The following PPP2R5C variants were observed in gnomAD, a reference collection of about 807,000 sequenced individuals.
The protein encoded by PPP2R5C is serine/threonine-protein phosphatase 2A 56 kDa regulatory subunit gamma isoform.
In PPP2R5C, 7 loss-of-function variants were observed where a neutral mutation model predicts 68.9. That is an observed-to-expected ratio of 0.10 (90% CI 0.06 to 0.19). The LOEUF (loss-of-function observed/expected upper bound fraction) is 0.19. Among genes scored for constraint, PPP2R5C ranks in the 10% least tolerant of loss-of-function variants. The probability of loss-of-function intolerance (pLI) is 1.00; values close to 1 mark genes in which losing one functional copy is unlikely to be tolerated. For synonymous variants in PPP2R5C, 210 were observed against 222.2 expected (o/e 0.95, Z 0.49); for missense variants, 348 against 641.3 (o/e 0.54, Z 4.94).
chr14:101,834,668 G>A (rs2040967996), intron 1 of PPP2R5C, among the ~76,000 whole-genome samples: 1 of 152,118 alleles, frequency 6.6e-6, no homozygotes, highest in South Asian at 2.1e-4. Flanking sequence ...AGTCGCTTGG[G>A]GACATTCATA....
In PPP2R5C at chr14:101,877,459, A is replaced by G. The variant is rs571850183; in HGVS notation, c.295-4702A>G. ...ATCACAGTGACCCTGTGTGCTGCCC[A>G]GAAGACCCGGGACTCCTTAGACCTC... On this transcript the variant is annotated intron_variant, in intron 2 of 13. Coordinates refer to ENST00000334743, the Ensembl canonical transcript of PPP2R5C. The surrounding 1 kb of genome is among the most constrained non-coding windows in gnomAD (Gnocchi z 4.2). 2.6e-5 allele frequency among the ~76,000 whole-genome samples: 4 copies of G among 152,264 alleles called. No homozygotes were observed. In the South Asian group the frequency reaches 6.2e-4, roughly 24 times the overall value.
chr14:101,764,226 T>C (rs2036734565), intron 2 of PPP2R5C, among the ~76,000 whole-genome samples: 1 of 152,204 alleles, frequency 6.6e-6, no homozygotes, highest in African/African-American at 2.4e-5. Flanking sequence ...TTGTGACTAA[T>C]TGTTGAACTA....
In PPP2R5C at chr14:101,781,046, G is replaced by A. The variant is rs1410274327; in HGVS notation, c.94-4972G>A. The stretch of plus-strand genomic sequence containing the variant: ...GAACCATGGAATGCAGCGTGGGGCA[G>A]CCGCTCCCCAGCCTTCCTCCCTAGC... On this transcript the variant is annotated intron_variant, in intron 2 of 14. Coordinates refer to the PPP2R5C transcript ENST00000328724. This position sits in a 1 kb window ranked among gnomAD's most constrained non-coding sequence, Gnocchi z 6.4. Among the ~76,000 whole-genome samples the A allele has an allele frequency of 6.6e-6, 1 of 152,158 alleles. No individual in the cohort carries two copies. Among genetic ancestry groups the A allele is most frequent in the Admixed American group, 6.5e-5 (1 of 15,280 alleles).
At chr14:101,914,977 G>A (rs913059030) in intron 12 of PPP2R5C, among the ~76,000 whole-genome samples, 7 of 152,218 alleles carry the variant, frequency 4.6e-5, no homozygotes, top group African/African-American at 9.6e-5. Context: ...ACCCAGGGCA[G>A]GGTCTGGGAC....
Position 101,888,681 on chromosome 14 carries a change from T to G in PPP2R5C, c.630-1556T>G, listed in dbSNP as rs1301253469. ...ATCTCAGCTCACTGCAACCTCCATCTTCCAGGTTCAAGTGATCCTCCCACC... is the reference window on the plus strand; with the variant it reads ...ATCTCAGCTCACTGCAACCTCCATCGTCCAGGTTCAAGTGATCCTCCCACC... On this transcript the variant is annotated intron_variant, in intron 5 of 13. Coordinates refer to ENST00000334743, the Ensembl canonical transcript of PPP2R5C. The surrounding 1 kb of genome is among the most constrained non-coding windows in gnomAD (Gnocchi z 5.6). 4.6e-5 allele frequency among the ~76,000 whole-genome samples: 7 copies of G among 152,204 alleles called. No individual in the cohort carries two copies. The highest frequency in any genetic ancestry group is 1.0e-4 in the Non-Finnish European group (7 of 68,036).
chr14:101,790,185 T>C (rs2038294005), intron 3 of PPP2R5C, among the ~76,000 whole-genome samples: 1 of 152,256 alleles, frequency 6.6e-6, no homozygotes, highest in African/African-American at 2.4e-5. Flanking sequence ...GTATTCATTC[T>C]GAGTGTAACC....
exon 1 of PPP2R5C, chr14:101,809,999 T>C (rs983843591): frequency 6.2e-7 from 1 of 1,614,058 alleles, no homozygotes; most frequent in Non-Finnish European, 8.5e-7. Flanking sequence ...CCAACTCCAA[T>C]GGGCCTTTCC....
intron 1 of PPP2R5C, among the ~76,000 whole-genome samples, chr14:101,815,138 C>T (rs1407327275): frequency 1.3e-4 from 20 of 152,280 alleles, no homozygotes; most frequent in Admixed American, 1.0e-3. Flanking sequence ...CTCCCCCACT[C>T]ACTACCGCCC....
intron 5 of PPP2R5C, among the ~76,000 whole-genome samples, chr14:101,885,036 G>A (rs1359623286): frequency 2.6e-5 from 4 of 152,242 alleles, no homozygotes; most frequent in African/African-American, 9.6e-5. Flanking sequence ...ACTCCAGGAT[G>A]TTGCGAGGTA....
intron 2 of PPP2R5C, among the ~76,000 whole-genome samples, chr14:101,862,460 A>T (rs558070646): frequency 6.6e-6 from 1 of 152,270 alleles, no homozygotes; most frequent in South Asian, 2.1e-4. Context: ...CCAGCACTGG[A>T]TTTGAATGTG....
intron 11 of PPP2R5C, among the ~76,000 whole-genome samples, chr14:101,911,368 A>G (rs2046381949): frequency 6.6e-6 from 1 of 152,166 alleles, no homozygotes; most frequent in South Asian, 2.1e-4. Flanking sequence ...ATAGAGCATG[A>G]GAGATGACAA....
exon 1 of PPP2R5C, chr14:101,810,015 G>A (rs773696391): frequency 1.9e-6 from 3 of 1,613,926 alleles, no homozygotes; most frequent in South Asian, 1.1e-5. Flanking sequence ...TTTCCAGCCC[G>A]TGGTCCTTCT....
rs1367502960 is a variant in PPP2R5C, at chr14:101,888,083, AT to A, written c.630-2153del. Among the ~76,000 whole-genome samples the A allele has an allele frequency of 1.3e-5, 2 of 152,326 alleles. No homozygotes were observed. The highest frequency in any genetic ancestry group is 4.8e-5 in the African/African-American group (2 of 41,568). ...AGAATTTATCAGTAAGAATGTAGTA[AT>A]GTTGATTTAGGAAAACAAAATGGCT... On this transcript the variant is annotated intron_variant, in intron 5 of 13. Coordinates refer to ENST00000334743, the Ensembl canonical transcript of PPP2R5C. The surrounding 1 kb of genome is among the most constrained non-coding windows in gnomAD (Gnocchi z 5.6).
intron 2 of PPP2R5C, among the ~76,000 whole-genome samples, chr14:101,763,954 T>C (rs751474606): frequency 6.6e-6 from 1 of 152,186 alleles, no homozygotes; most frequent in Non-Finnish European, 1.5e-5. Context: ...CCAATAATGT[T>C]GGTATTTGAA....
chr14:101,785,706 C>A (rs1006259513), intron 2 of PPP2R5C, among the ~76,000 whole-genome samples: 2 of 152,168 alleles, frequency 1.3e-5, no homozygotes, highest in Admixed American at 1.3e-4. Flanking sequence ...TTCACCAGTT[C>A]CAGGAATTAG....
chr14:101,869,648 G>A (rs2043270678), intron 2 of PPP2R5C, among the ~76,000 whole-genome samples: 1 of 151,988 alleles, frequency 6.6e-6, no homozygotes, highest in Admixed American at 6.6e-5. Flanking sequence ...GACTAATTAT[G>A]CCAGGCTTGT....
intron 13 of PPP2R5C, among the ~76,000 whole-genome samples, chr14:101,919,636 G>A (rs756727978): frequency 9.2e-5 from 14 of 152,134 alleles, no homozygotes; most frequent in Admixed American, 6.5e-4. Context: ...TTGTGGCCAC[G>A]TGTTCATTTT....
rs2044901757 is a variant in PPP2R5C at position 101,891,413 on chromosome 14, C to T, written c.689+1117C>T. Among the ~76,000 whole-genome samples the T allele has an allele frequency of 6.6e-6, 1 of 152,180 alleles. No individual in the cohort carries two copies. Among genetic ancestry groups the T allele is most frequent in the Admixed American group, 6.5e-5 (1 of 15,286 alleles). ...TGACAATTCTTTTAGTTTAGACAAA[C>T]TTGGGCGGGGTTTCTCCCTCAGTGC... is the stretch of plus-strand genomic sequence containing the variant. On this transcript the variant is annotated intron_variant, in intron 6 of 13. Coordinates refer to ENST00000334743, the Ensembl canonical transcript of PPP2R5C. This position sits in a 1 kb window ranked among gnomAD's most constrained non-coding sequence, Gnocchi z 4.9.
At chr14:101,918,786 G>A (rs1241383116) in intron 13 of PPP2R5C, among the ~76,000 whole-genome samples, 1 of 147,974 alleles carries the variant, frequency 6.8e-6, no homozygotes, top group African/African-American at 2.5e-5. Flanking sequence ...TCCTGCCTGG[G>A]TTCAAGGAGC....
Sources: allele counts gnomAD v4.1 joint callset (sites outside exome capture counted in the v4.1 genomes callset), GRCh38; gene constraint gnomAD v4.1.1; non-coding constraint Gnocchi (gnomAD v3.1); transcripts MANE v1.5; gene names NCBI Gene and HGNC (gene_info 2026-07-23, HGNC 2026-07-21).